The following TBX19 variants were observed in gnomAD, a reference collection of about 807,000 sequenced individuals.
The protein encoded by TBX19 is T-box transcription factor 19, also known as T-box transcription factor TBX19.
TBX19 carries 33 observed loss-of-function variants against 40.9 expected under a neutral mutation model. That is an observed-to-expected ratio of 0.81 (90% CI 0.61 to 1.08). The LOEUF is 1.08. TBX19 is among the 50% of genes least tolerant of loss of function. The probability of loss-of-function intolerance (pLI) is 0.00; values close to 1 mark genes in which losing one functional copy is unlikely to be tolerated. For synonymous variants in TBX19, 220 were observed against 225.0 expected (o/e 0.98, Z 0.20); for missense variants, 494 against 574.0 (o/e 0.86, Z 1.42).
intron 5 of TBX19, 128 bp downstream of exon 5, chr1:168,300,611 A>G: frequency 1.1e-6 from 1 of 889,292 alleles, no homozygotes; most frequent in East Asian, 2.6e-5. Context: ...CACACAGTTT[A>G]TTCTATTAAG....
intron 5 of TBX19, among the ~76,000 whole-genome samples, chr1:168,303,057 T>C (rs930550402): frequency 6.6e-6 from 1 of 152,190 alleles, no homozygotes; most frequent in Non-Finnish European, 1.5e-5. Flanking sequence ...TTATTTTTGT[T>C]ATACTTTAAG....
chr1:168,283,546 C>T (rs1410033671), intron 1 of TBX19, among the ~76,000 whole-genome samples: 1 of 152,118 alleles, frequency 6.6e-6, no homozygotes, highest in Non-Finnish European at 1.5e-5. Context: ...ATCTTTCTTG[C>T]TTCATCTTCT....
At chr1:168,296,877 T>A (rs183118094) in intron 3 of TBX19, among the ~76,000 whole-genome samples, 4,936 of 151,406 alleles carry the variant, frequency 0.033, 221 homozygotes, top group African/African-American at 0.1. Context: ...TCAAAAAAAA[T>A]ATATATATAT....
In TBX19 at chr1:168,291,405, A is replaced by G; in HGVS notation, c.449A>G (p.Lys150Arg). The G allele has an allele frequency of 6.2e-7, 1 of 1,614,194 alleles. No homozygotes were observed. Among genetic ancestry groups the G allele is most frequent in the Non-Finnish European group, 8.5e-7 (1 of 1,180,024 alleles). ...TTCAGCAAAGTGAAGCTGACCAACA[A>G]GCTCAATGGAGGCGGGCAGGTACGA... ...ISFSKVKLTN[K>R]LNGGGQIMLN... is the part of the protein sequence containing the mutation. The change falls in exon 2 of 8, where the codon AAG becomes AGG. Residue 150 changes from lysine (K) to arginine (R), a missense_variant. By Grantham distance (26) the Lys-to-Arg change is conservative (BLOSUM62 2). Transcript: ENST00000367821.
At chr1:168,299,819 C>T (rs576973442) in intron 4 of TBX19, among the ~76,000 whole-genome samples, 33 of 152,184 alleles carry the variant, frequency 2.2e-4, no homozygotes, top group African/African-American at 6.7e-4. Flanking sequence ...ACACTTATAA[C>T]GTTTTCAGTT....
chr1:168,300,645 A>G (rs1649255501), intron 5 of TBX19, among the ~76,000 whole-genome samples, 162 bp downstream of exon 5: 1 of 152,186 alleles, frequency 6.6e-6, no homozygotes, highest in South Asian at 2.1e-4. Flanking sequence ...CCTTTCCAGA[A>G]TTCCAGAGAG....
chr1:168,290,976 C>T (rs1463226495), intron 1 of TBX19, among the ~76,000 whole-genome samples, 184 bp from the exon 2 acceptor site: 1 of 152,030 alleles, frequency 6.6e-6, no homozygotes, highest in Non-Finnish European at 1.5e-5. Flanking sequence ...TAAAGTGAAA[C>T]CCTAGTATTA....
At chr1:168,311,180 A>T (rs1467014242) in intron 7 of TBX19, among the ~76,000 whole-genome samples, 3 of 152,040 alleles carry the variant, frequency 2.0e-5, no homozygotes, top group Non-Finnish European at 4.4e-5. Context: ...TGAAGATATT[A>T]AACAATCATG....
At position 168,295,544 on chromosome 1, in the gene TBX19, A is replaced by G. The variant is rs146338385; in HGVS notation, c.604-2180A>G. On this transcript the variant is annotated intron_variant, in intron 3 of 7. Coordinates refer to ENST00000367821, the MANE Select transcript of TBX19 (RefSeq NM_005149.3). ...GATGTGCAGAGAAAATGTCATTTCT[A>G]TAAGTAAACTGGCCTCTTGGCAGAG... Among the ~76,000 whole-genome samples the G allele has an allele frequency of 9.7e-4, 148 of 152,372 alleles. 4 individuals are homozygous for G. In the South Asian group the frequency reaches 0.026, roughly 27 times the overall value.
chr1:168,292,890 G>C (rs115652423), intron 2 of TBX19, among the ~76,000 whole-genome samples: 4,949 of 147,188 alleles, frequency 0.034, 124 homozygotes, highest in African/African-American at 0.057. Flanking sequence ...AAAAAAAAAG[G>C]AATAGCTCCT....
intron 5 of TBX19, among the ~76,000 whole-genome samples, chr1:168,302,384 C>T (rs1329431582): frequency 6.6e-6 from 1 of 152,152 alleles, no homozygotes; most frequent in Non-Finnish European, 1.5e-5. Flanking sequence ...TATCAAGCTC[C>T]ATTTCCTCAT....
In TBX19 at chr1:168,281,061, ACGGCTCT is replaced by A. The variant is rs1244498975; in HGVS notation, c.-25_-19del. 6.2e-7 allele frequency: 1 copy of A among 1,612,128 alleles called. No individual in the cohort carries two copies. Among genetic ancestry groups the A allele is most frequent in the Non-Finnish European group, 8.5e-7 (1 of 1,178,596 alleles). ...AAGCTAGAAGCAGGCAAGTTGGGTA[ACGGCTCT>A]CGGCAAAGTTCGAGAAGTGCCTATG... On this transcript the variant is annotated 5_prime_UTR_variant, in exon 1 of 8. Coordinates refer to ENST00000367821, the MANE Select transcript of TBX19 (RefSeq NM_005149.3).
intron 3 of TBX19, among the ~76,000 whole-genome samples, chr1:168,293,826 G>A (rs574309558): frequency 6.6e-6 from 1 of 152,290 alleles, no homozygotes; most frequent in Admixed American, 6.5e-5. Flanking sequence ...CTGTCTGTGA[G>A]CTGCTTTGGG....
chr1:168,310,484 G>A (rs1433920017), intron 7 of TBX19, among the ~76,000 whole-genome samples: 1 of 151,870 alleles, frequency 6.6e-6, no homozygotes, highest in East Asian at 1.9e-4. Flanking sequence ...CAAGTTCCTG[G>A]GTGTTGCTGA....
intron 1 of TBX19, among the ~76,000 whole-genome samples, chr1:168,285,269 A>T (rs1318523116): frequency 1.2e-4 from 13 of 107,436 alleles, no homozygotes; most frequent in African/African-American, 1.0e-4. Context: ...TGTCACACAC[A>T]CACACACACA....
intron 4 of TBX19, among the ~76,000 whole-genome samples, 176 bp from the exon 5 acceptor site, chr1:168,300,246 G>A (rs1649243431): frequency 6.6e-6 from 1 of 152,098 alleles, no homozygotes; most frequent in African/African-American, 2.4e-5. Context: ...AATTGCACAA[G>A]TAGAGACAGC....
intron 3 of TBX19, among the ~76,000 whole-genome samples, chr1:168,296,205 C>G (rs1186466151): frequency 6.6e-6 from 1 of 152,126 alleles, no homozygotes; most frequent in African/African-American, 2.4e-5. Flanking sequence ...AGGTTTAAGC[C>G]AAGAGAAAGA....
Position 168,293,284 on chromosome 1 carries a change from AGTGTGTGTGTGTGTGTGTGTGTGT to A in TBX19, c.603+25_603+48del, listed in dbSNP as rs57039241. 118 of 1,321,920 alleles carry A rather than the reference AGTGTGTGTGTGTGTGTGTGTGTGT, an allele frequency of 8.9e-5. 1 individual carries two copies. In the East Asian group the frequency reaches 3.1e-3, roughly 35 times the overall value. The allele number at this position is 1,321,920 out of a possible 1,614,324, so 81.9% of individuals were successfully genotyped here. A position where few individuals can be genotyped will look rare whatever the true frequency, so the allele number is the denominator to read the frequency against. ...CTGCCTATCAGAATGAGGAGGTAAG[AGTGTGTGTGTGTGTGTGTGTGTGT>A]GTGTGTGTGTGTGTGTGTAACTGTC... On this transcript the variant is annotated splice_region_variant and intron_variant, in intron 3 of 7. Transcript: ENST00000367821.
In TBX19 at chr1:168,312,888, C is replaced by G. The variant is rs1484950268; in HGVS notation, c.1233C>G (p.Pro411=). The G allele has an allele frequency of 2.5e-5, 41 of 1,614,152 alleles. No homozygotes were observed. The highest frequency in any genetic ancestry group is 3.1e-5 in the Non-Finnish European group (37 of 1,180,060). The change falls in exon 8 of 8, where the codon CCC becomes CCG. Residue 411 remains proline (P), a synonymous_variant. Coordinates refer to ENST00000367821, the MANE Select transcript of TBX19 (RefSeq NM_005149.3). ...CTGGTGTGGAGGTTCTGGGGGAGCC[C>G]TCGCTAACCAGCATTGCTGTGTCCA... The part of the protein sequence containing the change: ...TSAGVEVLGE[P]SLTSIAVSTW...
Sources: gnomAD v4.1 joint callset for allele counts (sites outside exome capture counted in the v4.1 genomes callset) on GRCh38, gnomAD v4.1.1 for gene constraint, MANE v1.5 for transcripts, NCBI Gene and HGNC (gene_info 2026-07-23, HGNC 2026-07-21) for gene names.